The following PABPC4L variants were observed in gnomAD, a reference collection of about 807,000 sequenced individuals.
PABPC4L encodes polyadenylate-binding protein 4-like.
For synonymous variants in PABPC4L, 169 were observed against 164.1 expected (o/e 1.03, Z -0.23); for missense variants, 452 against 451.4 (o/e 1.00, Z -0.01).
At chr4:134,036,940 C>T in the PABPC4L span, among the ~76,000 whole-genome samples, 1 of 151,630 alleles carries the variant, frequency 6.6e-6, no homozygotes, top group Non-Finnish European at 1.5e-5. Flanking sequence ...CCTGTAATCC[C>T]AGCTACTCGG....
the PABPC4L span, among the ~76,000 whole-genome samples, chr4:134,190,066 C>CCTGCAGTTTTGATCTCTCAGGCTTAT: frequency 6.6e-6 from 1 of 152,146 alleles, no homozygotes; most frequent in East Asian, 1.9e-4. Flanking sequence ...ACTTTGTCTG[C>CCTGCAGTTTTGATCTCTCAGGCTTAT]CTGCAGTTTT....
the PABPC4L span, among the ~76,000 whole-genome samples, chr4:134,094,326 T>C: frequency 2.6e-5 from 4 of 152,074 alleles, no homozygotes; most frequent in East Asian, 5.8e-4. Flanking sequence ...TTTGTTATTA[T>C]AAAACATACA....
the PABPC4L span, among the ~76,000 whole-genome samples, chr4:133,975,523 C>G: frequency 6.6e-6 from 1 of 152,084 alleles, no homozygotes; most frequent in Non-Finnish European, 1.5e-5. Context: ...AATAAAATTT[C>G]TAAATGACTC....
the PABPC4L span, among the ~76,000 whole-genome samples, chr4:134,089,885 G>C: frequency 6.6e-6 from 1 of 152,020 alleles, no homozygotes; most frequent in Non-Finnish European, 1.5e-5. Flanking sequence ...AATGGTTGTA[G>C]GCATCCACTA....
the PABPC4L span, among the ~76,000 whole-genome samples, chr4:133,965,973 C>A: frequency 6.6e-6 from 1 of 152,006 alleles, no homozygotes; most frequent in Non-Finnish European, 1.5e-5. Context: ...ATAACTGGAA[C>A]TTAATTAAAA....
At chr4:134,021,804 C>T in the PABPC4L span, among the ~76,000 whole-genome samples, 3 of 151,954 alleles carry the variant, frequency 2.0e-5, no homozygotes, top group African/African-American at 7.2e-5. Flanking sequence ...TTTATATTTC[C>T]CTGTTCTAGA....
At chr4:134,183,915 T>G in the PABPC4L span, among the ~76,000 whole-genome samples, 1 of 151,490 alleles carries the variant, frequency 6.6e-6, no homozygotes, top group Non-Finnish European at 1.5e-5. Context: ...AAAGATTGTG[T>G]GTGTGCGTGT....
chr4:134,012,754 C>T, the PABPC4L span, among the ~76,000 whole-genome samples: 31 of 152,298 alleles, frequency 2.0e-4, no homozygotes, highest in South Asian at 8.3e-4. Flanking sequence ...AAACGTCTCA[C>T]CAATTTCAAA....
chr4:134,099,564 C>T, the PABPC4L span, among the ~76,000 whole-genome samples: 10 of 151,620 alleles, frequency 6.6e-5, no homozygotes, highest in African/African-American at 1.5e-4. Context: ...CCAATGAATT[C>T]TGTAATGCTT....
chr4:134,180,338 T>C, the PABPC4L span, among the ~76,000 whole-genome samples: 1 of 151,692 alleles, frequency 6.6e-6, no homozygotes, highest in African/African-American at 2.4e-5. Flanking sequence ...TATTTGAAAT[T>C]AATCAGAAAA....
the PABPC4L span, among the ~76,000 whole-genome samples, chr4:134,123,654 C>G: frequency 6.6e-6 from 1 of 151,900 alleles, no homozygotes; most frequent in African/African-American, 2.4e-5. Flanking sequence ...AGCCACAAGG[C>G]AAATACAGAG....
the PABPC4L span, among the ~76,000 whole-genome samples, chr4:134,161,700 T>C: frequency 6.6e-6 from 1 of 152,064 alleles, no homozygotes; most frequent in Non-Finnish European, 1.5e-5. Flanking sequence ...AATAGGGCAT[T>C]AATGAGCAAA....
chr4:134,094,698 A>C, the PABPC4L span, among the ~76,000 whole-genome samples: 7 of 151,922 alleles, frequency 4.6e-5, no homozygotes, highest in East Asian at 1.4e-3. Flanking sequence ...CCAGACATTT[A>C]ACAAATAAAT....
the PABPC4L span, among the ~76,000 whole-genome samples, chr4:134,064,529 C>G: frequency 1.3e-5 from 2 of 152,036 alleles, no homozygotes; most frequent in Non-Finnish European, 2.9e-5. Flanking sequence ...GTCTGCCTCT[C>G]TCACCTCTCT....
the PABPC4L span, among the ~76,000 whole-genome samples, chr4:134,091,549 G>A: frequency 2.8e-4 from 43 of 151,770 alleles, no homozygotes; most frequent in Admixed American, 2.0e-4. Flanking sequence ...AAAGGTAGTA[G>A]GCATTTTGCC....
chr4:133,954,413 C>T, the PABPC4L span, among the ~76,000 whole-genome samples: 3 of 152,130 alleles, frequency 2.0e-5, no homozygotes, highest in Non-Finnish European at 4.4e-5. Context: ...AAACTTGGCA[C>T]ATTCTATCCT....
At chr4:134,005,166 C>A in the PABPC4L span, among the ~76,000 whole-genome samples, 1 of 151,718 alleles carries the variant, frequency 6.6e-6, no homozygotes, top group Non-Finnish European at 1.5e-5. Flanking sequence ...TGGATTTGAC[C>A]ATTTCACAAT....
At chr4:134,129,212 A>G in the PABPC4L span, among the ~76,000 whole-genome samples, 2,153 of 152,214 alleles carry the variant, frequency 0.014, 39 homozygotes, top group African/African-American at 0.049. Context: ...GATAAACAGC[A>G]ACATAATAAT....
the PABPC4L span, among the ~76,000 whole-genome samples, chr4:133,971,632 T>C: frequency 1.1e-4 from 16 of 152,176 alleles, no homozygotes; most frequent in Non-Finnish European, 4.4e-5. Flanking sequence ...TGTCCCACAT[T>C]GTCTGGTCCT....
Sources: gnomAD v4.1 joint callset for allele counts (sites outside exome capture counted in the v4.1 genomes callset) on GRCh38, gnomAD v4.1.1 for gene constraint, MANE v1.5 for transcripts, NCBI Gene and HGNC (gene_info 2026-07-23, HGNC 2026-07-21) for gene names.